Variants in CDH4 observed in about 807,000 individuals in gnomAD.
CDH4 encodes the protein cadherin 4, also known as cadherin-4.
In CDH4, 33 loss-of-function variants were observed where a neutral mutation model predicts 86.0. The ratio of observed to expected loss-of-function variants is 0.38; its 90% CI spans 0.29 to 0.51. CDH4 has a LOEUF of 0.51. Ranked by LOEUF, CDH4 falls within the 20% of genes least tolerant of loss-of-function variation. The pLI, the probability that CDH4 is intolerant of heterozygous loss-of-function variation, is 0.86. For synonymous variants in CDH4, 555 were observed against 549.4 expected, an observed-to-expected ratio of 1.01 and a Z score of -0.14; for missense variants, 1,114 against 1,307.4, an observed-to-expected ratio of 0.85 and a Z score of 2.28.
At chr20:61,744,342 CAGGAA>C (rs936957957) in intron 3 of CDH4, among the ~76,000 whole-genome samples, 2 of 142,064 alleles carry the variant, frequency 1.4e-5, no homozygotes, top group Non-Finnish European at 3.0e-5. Flanking sequence ...TGGAGAGAGA[CAGGAA>C]AGGAGAGGGA....
At chr20:61,433,783 G>T (rs776105780) in intron 2 of CDH4, among the ~76,000 whole-genome samples, 15 of 152,172 alleles carry the variant, frequency 9.9e-5, no homozygotes, top group Non-Finnish European at 1.9e-4. Flanking sequence ...GATCCCTGGA[G>T]GGTGTGTCCC....
chr20:61,553,052 C>T (rs986117115), intron 2 of CDH4, among the ~76,000 whole-genome samples: 1 of 152,186 alleles, frequency 6.6e-6, no homozygotes, highest in Non-Finnish European at 1.5e-5. Flanking sequence ...TGTCCATCAC[C>T]TGAAAAGTAG....
At chr20:61,783,553 G>GC (rs1466190441) in intron 4 of CDH4, among the ~76,000 whole-genome samples, 3 of 145,128 alleles carry the variant, frequency 2.1e-5, no homozygotes, top group African/African-American at 7.7e-5. Flanking sequence ...GATATCCTGT[G>GC]CCCCTGGGAG....
chr20:61,758,084 T>C (rs188662858), intron 3 of CDH4, among the ~76,000 whole-genome samples: 2 of 152,296 alleles, frequency 1.3e-5, no homozygotes, highest in East Asian at 1.9e-4. Context: ...CAGGTGTCCA[T>C]GTGGCAGATG....
At chr20:61,872,096 C>T (rs549934263) in intron 6 of CDH4, among the ~76,000 whole-genome samples, 22 of 152,300 alleles carry the variant, frequency 1.4e-4, no homozygotes, top group Admixed American at 1.2e-3. Context: ...GCAGTAGCTT[C>T]GGGCTCCTCG....
intron 2 of CDH4, among the ~76,000 whole-genome samples, chr20:61,535,824 G>A (rs928189169): frequency 2.6e-5 from 4 of 152,118 alleles, no homozygotes; most frequent in Non-Finnish European, 5.9e-5. Flanking sequence ...CTTCAGTGCC[G>A]GTCCTTTGGG....
intron 2 of CDH4, among the ~76,000 whole-genome samples, chr20:61,737,291 A>C (rs975433465): frequency 6.6e-6 from 1 of 152,156 alleles, no homozygotes; most frequent in Non-Finnish European, 1.5e-5. Flanking sequence ...CCAGAACAGG[A>C]GGCCAGCGGT....
At chr20:61,840,430 ACT>A (rs1357770869) in intron 4 of CDH4, among the ~76,000 whole-genome samples, 1 of 152,096 alleles carries the variant, frequency 6.6e-6, no homozygotes, top group Non-Finnish European at 1.5e-5. Flanking sequence ...CCTGGGGGAG[ACT>A]CTGCCAGAAC....
At chr20:61,643,965 G>C (rs1449710926) in intron 2 of CDH4, among the ~76,000 whole-genome samples, 10 of 152,262 alleles carry the variant, frequency 6.6e-5, no homozygotes, top group Admixed American at 6.5e-4. Context: ...GGGAGTGGTA[G>C]AATTCAACTC....
At chr20:61,507,645 C>CA (rs1438015681) in intron 2 of CDH4, among the ~76,000 whole-genome samples, 3 of 151,994 alleles carry the variant, frequency 2.0e-5, no homozygotes, top group Admixed American at 1.3e-4. Flanking sequence ...TCAAGGTCAC[C>CA]AAAAATGAGG....
intron 2 of CDH4, among the ~76,000 whole-genome samples, chr20:61,263,349 A>C (rs1415471307): frequency 1.3e-4 from 20 of 152,230 alleles, no homozygotes; most frequent in Non-Finnish European, 1.5e-5. Context: ...AAAAGAGAAC[A>C]AACCAACCAA....
At chr20:61,403,750 C>T (rs964478375) in intron 2 of CDH4, among the ~76,000 whole-genome samples, 4 of 152,194 alleles carry the variant, frequency 2.6e-5, no homozygotes, top group South Asian at 2.1e-4. Context: ...TGATTTCGCA[C>T]GGGACAATTT....
chr20:61,349,723 G>A (rs116722080), intron 2 of CDH4, among the ~76,000 whole-genome samples: 341 of 152,294 alleles, frequency 2.2e-3, no homozygotes, highest in African/African-American at 7.4e-3. Flanking sequence ...ACAGTCCCTC[G>A]TGGAGACGGC....
At chr20:61,285,664 A>T (rs2084289587) in intron 2 of CDH4, among the ~76,000 whole-genome samples, 2 of 152,256 alleles carry the variant, frequency 1.3e-5, no homozygotes, top group African/African-American at 4.8e-5. Flanking sequence ...TTTCAATTTA[A>T]TGATCTGCAA....
chr20:61,871,365 G>T (rs757934895), intron 6 of CDH4, among the ~76,000 whole-genome samples: 1 of 151,982 alleles, frequency 6.6e-6, no homozygotes, highest in African/African-American at 2.4e-5. Flanking sequence ...TCTTCTCATT[G>T]CCACATTGAA....
chr20:61,383,578 GA>G lies in CDH4; in HGVS notation c.169+128643del, dbSNP rs1264042236. ...ATGATATATGATATATGATATATATGAATATATATGAATATATGATATATAT... is the reference window on the plus strand; with the variant it reads ...ATGATATATGATATATGATATATATGATATATATGAATATATGATATATAT... On this transcript the variant is annotated intron_variant, in intron 2 of 15. Coordinates refer to ENST00000614565, the MANE Select transcript of CDH4 (RefSeq NM_001794.5). Among the ~76,000 whole-genome samples, 2 of 35,740 alleles carry G rather than the reference GA, an allele frequency of 5.6e-5. 1 individual carries two copies. Among genetic ancestry groups the G allele is most frequent in the African/African-American group, 9.1e-4 (2 of 2,192 alleles). 23.4% of individuals were successfully genotyped at this position (35,740 alleles called of 152,430 possible).
chr20:61,837,495 G>T (rs1369165343), intron 4 of CDH4, among the ~76,000 whole-genome samples: 2 of 152,298 alleles, frequency 1.3e-5, no homozygotes, highest in African/African-American at 4.8e-5. Flanking sequence ...TCCATCTTCA[G>T]AATGGGCTCT....
intron 2 of CDH4, among the ~76,000 whole-genome samples, chr20:61,456,694 G>A (rs1027152845): frequency 2.6e-5 from 4 of 152,218 alleles, no homozygotes; most frequent in African/African-American, 9.7e-5. Flanking sequence ...TGCACCTTCA[G>A]AAGACAACAG....
At chr20:61,866,659 G>A (rs138967074) in intron 6 of CDH4, among the ~76,000 whole-genome samples, 35 of 152,318 alleles carry the variant, frequency 2.3e-4, no homozygotes, top group African/African-American at 8.2e-4. Flanking sequence ...ACACCCCAGC[G>A]TTCCAGCAGG....
Sources: allele counts gnomAD v4.1 joint callset (sites outside exome capture counted in the v4.1 genomes callset), GRCh38; gene constraint gnomAD v4.1.1; transcripts MANE v1.5; gene names NCBI Gene and HGNC (gene_info 2026-07-23, HGNC 2026-07-21).